PAX6: variants seen among roughly 807,000 people sequenced by gnomAD.
PAX6 encodes paired box 6.
Under a neutral mutation model 60.7 loss-of-function variants are expected in PAX6, and 7 were observed. The ratio of observed to expected loss-of-function variants is 0.12; its 90% CI spans 0.07 to 0.22. The LOEUF (loss-of-function observed/expected upper bound fraction) is 0.22. Among genes scored for constraint, PAX6 ranks in the 10% least tolerant of loss-of-function variants. The pLI is 1.00. For synonymous variants in PAX6, 208 were observed against 201.2 expected, an observed-to-expected ratio of 1.03 and a Z score of -0.29; for missense variants, 355 against 555.2, an observed-to-expected ratio of 0.64 and a Z score of 3.62.
chr11:31,800,358 G>A (rs888387008), intron 8 of PAX6, among the ~76,000 whole-genome samples: 6 of 152,078 alleles, frequency 3.9e-5, no homozygotes, highest in African/African-American at 1.4e-4. Flanking sequence ...TTCTACAAGG[G>A]GGCTCTCCCT....
At chr11:31,802,563 A>C in intron 5 of PAX6, 141 bp downstream of exon 5, 7 of 612,918 alleles carry the variant, frequency 1.1e-5, no homozygotes, top group East Asian at 3.3e-5. Flanking sequence ...AAGGCAGGGG[A>C]GTGGGTGGGG....
At chr11:31,796,964 T>C (rs764353364) in intron 8 of PAX6, among the ~76,000 whole-genome samples, 4 of 152,148 alleles carry the variant, frequency 2.6e-5, no homozygotes, top group Admixed American at 2.0e-4. Flanking sequence ...GCCCCAAGTT[T>C]CCGGGGACTT....
At chr11:31,803,698 T>G (rs1954866100) in intron 4 of PAX6, 1 of 152,682 alleles carries the variant, frequency 6.5e-6, no homozygotes, top group Non-Finnish European at 1.5e-5. Context: ...ACTGCTCGCT[T>G]TATTTCCGCC....
intron 4 of PAX6, chr11:31,805,948 T>G: frequency 6.0e-6 from 1 of 165,758 alleles, no homozygotes; most frequent in Admixed American, 6.4e-5. Flanking sequence ...GAGAGTGACT[T>G]GGGGAGAGAA....
intron 4 of PAX6, 128 bp downstream of exon 4, chr11:31,806,274 G>T: frequency 3.7e-6 from 4 of 1,078,308 alleles, no homozygotes; most frequent in Non-Finnish European, 5.2e-6. Flanking sequence ...AGCAGCCGCC[G>T]CAGGTCCCCG....
In PAX6 at chr11:31,806,908, C is replaced by G. The variant is rs1411124572; in HGVS notation, c.-111G>C. The G allele has an allele frequency of 6.4e-6, 1 of 156,694 alleles. No homozygotes were observed. The highest frequency in any genetic ancestry group is 2.4e-5 in the African/African-American group (1 of 41,540). The allele number at this position is 156,694 out of a possible 1,614,324, so 9.7% of individuals were successfully genotyped here. On this transcript the variant is annotated 5_prime_UTR_variant, in exon 3 of 14. Transcript: ENST00000640368. ...AAAGGCCTCACACATCTGCGCGCCC[C>G]TAGTTAAAGTCTTCCCCCTAAGACA...
intron 5 of PAX6, chr11:31,802,482 G>A: frequency 1.9e-6 from 1 of 529,150 alleles, no homozygotes; most frequent in Non-Finnish European, 3.3e-6. Flanking sequence ...TGAAGCAGAT[G>A]AGTTATCTTA....
chr11:31,801,384 A>G, intron 7 of PAX6, 177 bp downstream of exon 7: 1 of 1,499,222 alleles, frequency 6.7e-7, no homozygotes, highest in Non-Finnish European at 8.9e-7. Flanking sequence ...CCCATTTTCC[A>G]GACAGTCAAA....
intron 10 of PAX6, 67 bp from the exon 11 acceptor site, chr11:31,793,869 A>G (rs1298336643): frequency 2.6e-6 from 4 of 1,563,822 alleles, no homozygotes; most frequent in African/African-American, 1.4e-5. Context: ...TGGCACCTCC[A>G]CTGCTGCCCT....
Position 31,794,682 on chromosome 11 carries a change from C to A in PAX6, c.672G>T (p.Leu224=). The A allele has an allele frequency of 1.2e-6, 2 of 1,614,196 alleles. No homozygotes were observed. The highest frequency in any genetic ancestry group is 1.7e-6 in the Non-Finnish European group (2 of 1,180,034). Residue 224 remains leucine, a synonymous_variant, in exon 9 of 14, where the codon CTG becomes CTT. Coordinates refer to ENST00000640368, the MANE Select transcript of PAX6 (RefSeq NM_001368894.2). ...GGGTAAAGGATGTTCTATTTCTTTG[C>A]AGCTTCCGCTTCAGCTGAAGTCGCA... ...AQMRLQLKRK[L]QRNRTSFTQE...
upstream of PAX6, chr11:31,815,055 A>AC (rs1957315251): frequency 8.7e-6 from 1 of 115,416 alleles, no homozygotes; most frequent in Non-Finnish European, 1.7e-5. Flanking sequence ...CTCCCTGCCC[A>AC]CCCCCAAAAT....
In PAX6 at chr11:31,789,749, T is replaced by TATG; in HGVS notation, c.*184_*185insCAT. On this transcript the variant is annotated 3_prime_UTR_variant, in exon 14 of 14. Coordinates refer to ENST00000640368, the MANE Select transcript of PAX6 (RefSeq NM_001368894.2). ...GTTCCAACTGATATCGTGCCTTCTG[T>TATG]ATACAAAGGTCCTTGTTTCAAGTCC... 1 of 710,850 alleles carries TATG rather than the reference T, an allele frequency of 1.4e-6. No homozygotes were observed. Among genetic ancestry groups the TATG allele is most frequent in the Non-Finnish European group, 2.6e-6 (1 of 388,052 alleles). 44.0% of individuals were successfully genotyped at this position (710,850 alleles called of 1,614,324 possible).
At chr11:31,798,747 C>T (rs887855379) in intron 8 of PAX6, among the ~76,000 whole-genome samples, 1 of 152,260 alleles carries the variant, frequency 6.6e-6, no homozygotes, top group African/African-American at 2.4e-5. Flanking sequence ...ACTAGCTCCA[C>T]CTCCGGCCCC....
chr11:31,790,339 T>G, intron 13 of PAX6: 1 of 809,436 alleles, frequency 1.2e-6, no homozygotes, highest in East Asian at 4.5e-5. Context: ...TGTGTCACTT[T>G]TTATTTCCAG....
rs1160160301 is a variant in PAX6 at position 31,801,654 on chromosome 11, G to T, written c.306C>A (p.Ala102=). The part of the protein sequence containing the change: ...VATPEVVSKI[A]QYKRECPSIF... ...TGGACGGGCACTCCCGCTTATACTG[G>T]GCTATTTTGCTTACAACTTCTGGAG... Residue 102 remains alanine (A), a synonymous_variant, in exon 7 of 14, where the codon GCC becomes GCA. Transcript: ENST00000640368. The T allele has an allele frequency of 6.2e-7, 1 of 1,614,102 alleles. No individual in the cohort carries two copies. The highest frequency in any genetic ancestry group is 8.5e-7 in the Non-Finnish European group (1 of 1,180,030).
intron 1 of PAX6, among the ~76,000 whole-genome samples, chr11:31,816,930 C>G (rs1042716113): frequency 6.6e-6 from 1 of 152,228 alleles, no homozygotes; most frequent in Non-Finnish European, 1.5e-5. Context: ...GGGCCGGGCT[C>G]CCAGGACTTT....
rs1018206633 is a variant in PAX6 at position 31,800,979 on chromosome 11, G to A, written c.400-123C>T. On this transcript the variant is annotated intron_variant, in intron 7 of 13. Transcript: ENST00000640368. ...CCGTTAAAAAGCTCCCAGCCACCCC[G>A]GGACAGTGGGTGGATTTGCAGATAC... 17 of 1,005,824 alleles carry A rather than the reference G, an allele frequency of 1.7e-5. No homozygotes were observed. In the Middle Eastern group the frequency reaches 8.8e-4, roughly 52 times the overall value. The allele number at this position is 1,005,824 out of a possible 1,614,324, so 62.3% of individuals were successfully genotyped here.
At chr11:31,805,150 C>T (rs945766264) in intron 4 of PAX6, 1 of 152,274 alleles carries the variant, frequency 6.6e-6, no homozygotes, top group Admixed American at 6.5e-5. Flanking sequence ...CCGGCCGGCC[C>T]GCGACCCCGC....
At chr11:31,807,675 G>A (rs3026357) in intron 2 of PAX6, 18,635 of 152,144 alleles carry the variant, frequency 0.12, 1,467 homozygotes, top group East Asian at 0.3. Context: ...GGGGGTGAGC[G>A]TGGTCGACAA....
Sources: allele counts gnomAD v4.1 joint callset (sites outside exome capture counted in the v4.1 genomes callset), GRCh38; gene constraint gnomAD v4.1.1; transcripts MANE v1.5; gene names NCBI Gene and HGNC (gene_info 2026-07-23, HGNC 2026-07-21).